The following ZSCAN25 variants were observed in gnomAD, a reference collection of about 807,000 sequenced individuals.
ZSCAN25 encodes zinc finger and SCAN domain-containing protein 25.
A neutral mutation model predicts 38.7 loss-of-function variants in ZSCAN25; 27 were observed. That is an observed-to-expected ratio of 0.70 (90% CI 0.51 to 0.96). The LOEUF (loss-of-function observed/expected upper bound fraction) is 0.96. Among genes scored for constraint, ZSCAN25 ranks in the 40% least tolerant of loss-of-function variants. The probability of loss-of-function intolerance (pLI) is 0.00; values close to 1 mark genes in which losing one functional copy is unlikely to be tolerated. For missense variants in ZSCAN25, 637 were observed against 705.9 expected (o/e 0.90, Z 1.11); for synonymous variants, 273 against 277.7 (o/e 0.98, Z 0.17).
the ZSCAN25 span, chr7:99,705,470 T>A: frequency 6.2e-7 from 1 of 1,611,088 alleles, no homozygotes. Flanking sequence ...ACAGCTTTCT[T>A]AAAGAGCAAA....
chr7:99,626,344 T>A (rs1807468734), intron 7 of ZSCAN25, among the ~76,000 whole-genome samples: 1 of 152,108 alleles, frequency 6.6e-6, no homozygotes. Context: ...TCTGGGTCCT[T>A]GTTTAAAAAT....
intron 4 of ZSCAN25, chr7:99,621,044 T>G (rs953866456): frequency 1.0e-4 from 19 of 185,748 alleles, no homozygotes; most frequent in African/African-American, 4.2e-4. Context: ...ATTTTCAGCT[T>G]TTTCAATTAG....
chr7:99,623,874 G>A (rs960518240), intron 6 of ZSCAN25, among the ~76,000 whole-genome samples, 183 bp from the exon 7 acceptor site: 2 of 152,332 alleles, frequency 1.3e-5, no homozygotes, highest in Admixed American at 1.3e-4. Context: ...AGGTGACTTA[G>A]TTGTTAGGGG....
the ZSCAN25 span, among the ~76,000 whole-genome samples, chr7:99,643,772 C>T: frequency 6.6e-6 from 1 of 151,456 alleles, no homozygotes; most frequent in South Asian, 2.1e-4. Flanking sequence ...TTGCATTGCT[C>T]CCCCCTCTCA....
At chr7:99,695,595 A>G in the ZSCAN25 span, 2 of 681,900 alleles carry the variant, frequency 2.9e-6, no homozygotes, top group Admixed American at 2.9e-5. Flanking sequence ...GTCCCGGGGT[A>G]AACCTTGCCA....
At chr7:99,649,075 T>C in the ZSCAN25 span, among the ~76,000 whole-genome samples, 1 of 152,192 alleles carries the variant, frequency 6.6e-6, no homozygotes. Flanking sequence ...AACATTCTGA[T>C]CTCAGTTCAG....
chr7:99,670,889 C>T, the ZSCAN25 span: 9 of 152,078 alleles, frequency 5.9e-5, no homozygotes, highest in African/African-American at 1.9e-4. Flanking sequence ...TCAAGTACCC[C>T]ACTAGTTTTA....
the ZSCAN25 span, among the ~76,000 whole-genome samples, chr7:99,692,793 T>G: frequency 6.6e-6 from 1 of 152,370 alleles, no homozygotes; most frequent in East Asian, 1.9e-4. Context: ...TAGCCATTCA[T>G]GTAACCTTTT....
At chr7:99,662,839 G>A in the ZSCAN25 span, 7 of 1,613,768 alleles carry the variant, frequency 4.3e-6, no homozygotes, top group African/African-American at 4.0e-5. This position sits in a 1 kb window ranked among gnomAD's most constrained non-coding sequence, Gnocchi z 4.3. Context: ...AGTTTCTTTC[G>A]AATTCTGGGA....
chr7:99,700,987 T>C, the ZSCAN25 span, among the ~76,000 whole-genome samples: 5 of 152,210 alleles, frequency 3.3e-5, no homozygotes, highest in African/African-American at 1.2e-4. Context: ...GACTTACCTG[T>C]TGAGAGTTGT....
chr7:99,677,534 G>A, the ZSCAN25 span, among the ~76,000 whole-genome samples: 1 of 152,206 alleles, frequency 6.6e-6, no homozygotes, highest in Non-Finnish European at 1.5e-5. Flanking sequence ...CTCCTCTTTA[G>A]AGGTTAGCCT....
At chr7:99,673,239 G>A in the ZSCAN25 span, among the ~76,000 whole-genome samples, 1 of 152,192 alleles carries the variant, frequency 6.6e-6, no homozygotes, top group Non-Finnish European at 1.5e-5. Context: ...CAGCGCTGTG[G>A]ATTCTGAGGA....
chr7:99,734,882 A>G, the ZSCAN25 span: 4 of 1,299,466 alleles, frequency 3.1e-6, no homozygotes, highest in African/African-American at 4.4e-5. Context: ...CAGCATCCCA[A>G]AGTTCTGGGA....
chr7:99,635,198 A>T (rs1459775614), downstream of ZSCAN25, among the ~76,000 whole-genome samples: 3 of 148,106 alleles, frequency 2.0e-5, no homozygotes, highest in African/African-American at 7.5e-5. Context: ...TCTGCATATT[A>T]GTGCTTTACT....
chr7:99,700,509 C>A, the ZSCAN25 span, among the ~76,000 whole-genome samples: 113,904 of 152,068 alleles, frequency 0.75, 46,282 homozygotes, highest in Non-Finnish European at 0.91. Context: ...CATCCTTGCA[C>A]GCCCAGCCAG....
At chr7:99,717,787 G>T in the ZSCAN25 span, 1 of 1,073,068 alleles carries the variant, frequency 9.3e-7, no homozygotes, top group Admixed American at 2.1e-5. Flanking sequence ...TGCTCAATAG[G>T]ATTTATCCCA....
the ZSCAN25 span, among the ~76,000 whole-genome samples, chr7:99,694,984 T>TAAA: frequency 0.022 from 3,240 of 150,162 alleles, 137 homozygotes; most frequent in African/African-American, 0.073. Flanking sequence ...TGCCTTTGTT[T>TAAA]AAAAAAAAAA....
chr7:99,666,453 TC>T, the ZSCAN25 span: 1 of 807,486 alleles, frequency 1.2e-6, no homozygotes, highest in South Asian at 1.6e-5. Flanking sequence ...TGGGAGCCAC[TC>T]CCTCTTAGGT....
At chr7:99,683,029 T>C in the ZSCAN25 span, among the ~76,000 whole-genome samples, 5 of 152,360 alleles carry the variant, frequency 3.3e-5, no homozygotes, top group African/African-American at 9.6e-5. Context: ...TCTTTAAGTG[T>C]TTCCATATAT....
Sources: gnomAD v4.1 joint callset for allele counts (sites outside exome capture counted in the v4.1 genomes callset) on GRCh38, gnomAD v4.1.1 for gene constraint, Gnocchi (gnomAD v3.1) non-coding constraint, MANE v1.5 for transcripts, NCBI Gene and HGNC (gene_info 2026-07-23, HGNC 2026-07-21) for gene names.